The following COX7B2 variants were observed in gnomAD, a reference collection of about 807,000 sequenced individuals.
COX7B2 encodes cytochrome c oxidase subunit 7B2, also known as cytochrome c oxidase subunit 7B2, mitochondrial.
For synonymous variants in COX7B2, 37 were observed against 32.1 expected, an observed-to-expected ratio of 1.15 and a Z score of -0.51; for missense variants, 109 against 95.9, an observed-to-expected ratio of 1.14 and a Z score of -0.57.
intron 2 of COX7B2, among the ~76,000 whole-genome samples, chr4:46,750,588 G>T (rs1483442822): frequency 6.6e-6 from 1 of 152,062 alleles, no homozygotes; most frequent in Non-Finnish European, 1.5e-5. Context: ...CCACTCAATG[G>T]TTTCTAACTT....
At chr4:46,741,370 C>T (rs997454653) in intron 2 of COX7B2, among the ~76,000 whole-genome samples, 59 of 152,010 alleles carry the variant, frequency 3.9e-4, no homozygotes, top group Admixed American at 2.4e-3. Flanking sequence ...GCATCCCTAC[C>T]TCTACCCACT....
chr4:46,768,049 A>G (rs11943836), intron 2 of COX7B2, among the ~76,000 whole-genome samples: 52,377 of 152,168 alleles, frequency 0.34, 9,235 homozygotes, highest in South Asian at 0.47. Flanking sequence ...AACCTCTGGA[A>G]CCCCAAATGG....
intron 1 of COX7B2, among the ~76,000 whole-genome samples, chr4:46,846,268 A>G (rs1716269829): frequency 6.6e-6 from 1 of 152,052 alleles, no homozygotes; most frequent in South Asian, 2.1e-4. Flanking sequence ...AAAGCAATGA[A>G]CAGAAGAGAC....
rs893111809 is a variant in COX7B2 at position 46,845,026 on chromosome 4, C to T, written c.-104-12G>A. ...TCAGATTCTGCTTCCTAAAAAAATG[C>T]AATTAGAAAATTAGTGTCAGATTTC... On this transcript the variant is annotated splice_polypyrimidine_tract_variant and intron_variant, in intron 1 of 2. Transcript: ENST00000355591. 6 of 151,836 alleles carry T rather than the reference C, an allele frequency of 4.0e-5. No individual in the cohort carries two copies. Among genetic ancestry groups the T allele is most frequent in the Non-Finnish European group, 8.8e-5 (6 of 67,924 alleles). 9.4% of individuals were successfully genotyped at this position (151,836 alleles called of 1,614,324 possible). A position where few individuals can be genotyped will look rare whatever the true frequency, so the allele number is the denominator to read the frequency against.
intron 1 of COX7B2, among the ~76,000 whole-genome samples, chr4:46,898,090 A>G (rs1215609659): frequency 1.3e-5 from 2 of 152,084 alleles, no homozygotes; most frequent in Non-Finnish European, 2.9e-5. Context: ...CTGAACCTGT[A>G]TCTCCTCCCT....
intron 2 of COX7B2, among the ~76,000 whole-genome samples, chr4:46,793,105 T>A (rs73139394): frequency 0.021 from 3,243 of 152,318 alleles, 104 homozygotes; most frequent in African/African-American, 0.074. Context: ...CAGGAGAGAT[T>A]TCTCTTGTAG....
At chr4:46,903,410 G>A (rs926915845) in intron 1 of COX7B2, among the ~76,000 whole-genome samples, 4 of 151,584 alleles carry the variant, frequency 2.6e-5, no homozygotes, top group Admixed American at 1.3e-4. Context: ...AAAAATTCAC[G>A]TCAACTAGTG....
At chr4:46,852,563 TACACACAC>T (rs113148039) in intron 1 of COX7B2, among the ~76,000 whole-genome samples, 21 of 145,790 alleles carry the variant, frequency 1.4e-4, no homozygotes, top group African/African-American at 5.0e-4. Context: ...AATACACAAA[TACACACAC>T]ACACACACAC....
intron 2 of COX7B2, among the ~76,000 whole-genome samples, chr4:46,827,375 A>G (rs1471313539): frequency 1.3e-5 from 2 of 152,062 alleles, no homozygotes; most frequent in Admixed American, 1.3e-4. Flanking sequence ...AACAAATGAA[A>G]CTATGTAGAT....
intron 1 of COX7B2, among the ~76,000 whole-genome samples, chr4:46,876,304 AC>A (rs1166063876): frequency 6.6e-6 from 1 of 152,188 alleles, no homozygotes; most frequent in African/African-American, 2.4e-5. Context: ...GGTTAAATAT[AC>A]CAGATGGTGA....
intron 1 of COX7B2, among the ~76,000 whole-genome samples, chr4:46,884,468 TC>T (rs1718947614): frequency 6.6e-6 from 1 of 152,224 alleles, no homozygotes; most frequent in African/African-American, 2.4e-5. Context: ...CAGAAAATAT[TC>T]TACTCACTGA....
At chr4:46,882,650 T>A (rs1261225353) in intron 1 of COX7B2, among the ~76,000 whole-genome samples, 1 of 152,174 alleles carries the variant, frequency 6.6e-6, no homozygotes, top group East Asian at 1.9e-4. Flanking sequence ...CTGGGTAGAT[T>A]TTCCTTCATC....
At chr4:46,809,115 G>A (rs138674698) in intron 2 of COX7B2, among the ~76,000 whole-genome samples, 32 of 151,792 alleles carry the variant, frequency 2.1e-4, no homozygotes, top group East Asian at 1.4e-3. Flanking sequence ...TTAATTGTTC[G>A]TAATAGTTCC....
At chr4:46,832,637 G>T (rs1024546154) in intron 2 of COX7B2, among the ~76,000 whole-genome samples, 1 of 152,118 alleles carries the variant, frequency 6.6e-6, no homozygotes, top group African/African-American at 2.4e-5. Context: ...GGTATCTAGA[G>T]GGAGGTGATT....
At chr4:46,785,659 A>G (rs928521263) in intron 2 of COX7B2, among the ~76,000 whole-genome samples, 1 of 152,230 alleles carries the variant, frequency 6.6e-6, no homozygotes, top group Non-Finnish European at 1.5e-5. Context: ...GCCTTATTCT[A>G]CCCAAATTAA....
rs1158675732 is a variant in COX7B2 at position 46,884,193 on chromosome 4, G to GTGTT, written c.-105+24963_-105+24966dup. On this transcript the variant is annotated intron_variant, in intron 1 of 2. Transcript: ENST00000355591. Reference sequence around the variant, plus strand: ...GGGGGCCAGTTGGGGGGTGGTGGTGGTGTTTGTTTGTTTTAGAAGCAATGT... The same window carrying GTGTT: ...GGGGGCCAGTTGGGGGGTGGTGGTGGTGTTTGTTTGTTTGTTTTAGAAGCAATGT... Among the ~76,000 whole-genome samples, 6 of 151,860 alleles carry GTGTT rather than the reference G, an allele frequency of 4.0e-5. No homozygotes were observed. The East Asian group carries it at 1.2e-3, about 29-fold the overall frequency.
chr4:46,876,391 T>G (rs1718334829), intron 1 of COX7B2, among the ~76,000 whole-genome samples: 1 of 150,856 alleles, frequency 6.6e-6, no homozygotes, highest in Admixed American at 6.6e-5. Flanking sequence ...AAACACAGAG[T>G]CCGTCCTATT....
At chr4:46,874,464 A>C (rs1484892787) in intron 1 of COX7B2, among the ~76,000 whole-genome samples, 1 of 152,226 alleles carries the variant, frequency 6.6e-6, no homozygotes, top group African/African-American at 2.4e-5. Context: ...GCAAAACAAA[A>C]AACAAACAAC....
chr4:46,824,717 T>G (rs932275354), intron 2 of COX7B2, among the ~76,000 whole-genome samples: 72 of 149,314 alleles, frequency 4.8e-4, no homozygotes, highest in African/African-American at 1.7e-3. Flanking sequence ...AATGCAAGGT[T>G]GGCTTAACAT....
Sources: allele counts gnomAD v4.1 joint callset (sites outside exome capture counted in the v4.1 genomes callset), GRCh38; gene constraint gnomAD v4.1.1; transcripts MANE v1.5; gene names NCBI Gene and HGNC (gene_info 2026-07-23, HGNC 2026-07-21).